Variants in INHBC observed in about 807,000 individuals in gnomAD.
INHBC encodes inhibin beta C chain.
INHBC carries 10 observed loss-of-function variants against 12.4 expected under a neutral mutation model. The observed-to-expected ratio is 0.81, with a 90% CI of 0.50 to 1.37. The LOEUF (loss-of-function observed/expected upper bound fraction) is 1.37. Ranked by LOEUF, INHBC falls within the 40% of genes most tolerant of loss-of-function variation. INHBC has a pLI of 0.00. For synonymous variants in INHBC, 147 were observed against 171.6 expected, an observed-to-expected ratio of 0.86 and a Z score of 1.12; for missense variants, 382 against 439.4, an observed-to-expected ratio of 0.87 and a Z score of 1.17.
At chr12:57,436,167 C>CTTTTT (rs35783961) in intron 1 of INHBC, among the ~76,000 whole-genome samples, 2 of 118,392 alleles carry the variant, frequency 1.7e-5, no homozygotes, top group Non-Finnish European at 3.5e-5. Context: ...TTTTAAAAAA[C>CTTTTT]TTTTTTTTTT....
chr12:57,435,389 C>G (rs1407525504), intron 1 of INHBC, among the ~76,000 whole-genome samples, 190 bp downstream of exon 1: 1 of 152,220 alleles, frequency 6.6e-6, no homozygotes, highest in Non-Finnish European at 1.5e-5. Flanking sequence ...GTAGCTCAGA[C>G]CTGACCAATA....
At chr12:57,447,862 CAAAAAAAAAAAA>C (rs869208182) in intron 1 of INHBC, among the ~76,000 whole-genome samples, 2 of 5,242 alleles carry the variant, frequency 3.8e-4, no homozygotes, top group South Asian at 0.018. Flanking sequence ...AACTCCGTCT[CAAAAAAAAAAAA>C]AAAAAAAAAA....
At chr12:57,445,718 CCG>C (rs1594729118) in intron 1 of INHBC, among the ~76,000 whole-genome samples, 1 of 145,110 alleles carries the variant, frequency 6.9e-6, no homozygotes, top group Non-Finnish European at 1.5e-5. Context: ...GTGAGACCCC[CCG>C]CCCATCTCCA....
chr12:57,441,384 G>A (rs576625556), intron 1 of INHBC, among the ~76,000 whole-genome samples: 105 of 146,582 alleles, frequency 7.2e-4, no homozygotes, highest in African/African-American at 2.0e-3. Context: ...AAAAAGCCAG[G>A]TGTGGTGGTA....
intron 1 of INHBC, among the ~76,000 whole-genome samples, chr12:57,439,833 C>T (rs1365343596): frequency 2.0e-5 from 3 of 152,122 alleles, no homozygotes; most frequent in Non-Finnish European, 4.4e-5. Context: ...ACAAGCAAAG[C>T]GTTTTTTTGG....
Position 57,445,945 on chromosome 12 carries a change from G to A in INHBC, c.314-3332G>A, listed in dbSNP as rs190550198. ...GGTTTTTTTGTTTGTTTGTTTGTTC[G>A]TTTTTTTGAGACAGAGTCTCGCTGT... On this transcript the variant is annotated intron_variant, in intron 1 of 1. Coordinates refer to ENST00000309668, the MANE Select transcript of INHBC (RefSeq NM_005538.4). Among the ~76,000 whole-genome samples, 20 of 150,702 alleles carry A rather than the reference G, an allele frequency of 1.3e-4. 1 individual carries two copies. The highest frequency in any genetic ancestry group is 4.2e-4 in the South Asian group (2 of 4,738).
chr12:57,436,960 C>T (rs959254579), intron 1 of INHBC, among the ~76,000 whole-genome samples: 9 of 152,100 alleles, frequency 5.9e-5, no homozygotes, highest in Non-Finnish European at 4.4e-5. Flanking sequence ...AGCCACCGCG[C>T]CCAGCATATA....
intron 1 of INHBC, 41 bp downstream of exon 1, chr12:57,435,240 C>A: frequency 6.4e-7 from 1 of 1,550,948 alleles, no homozygotes. Flanking sequence ...AACTTGACCC[C>A]TCAAGGAAAG....
chr12:57,447,516 G>A (rs1023503126), intron 1 of INHBC, among the ~76,000 whole-genome samples: 4 of 151,572 alleles, frequency 2.6e-5, no homozygotes, highest in African/African-American at 4.8e-5. Context: ...GATGAGGGTA[G>A]TGGCACCACC....
chr12:57,442,938 C>T (rs886891739), intron 1 of INHBC, among the ~76,000 whole-genome samples: 2 of 150,180 alleles, frequency 1.3e-5, no homozygotes, highest in Admixed American at 1.3e-4. Flanking sequence ...TTGCAGTGAG[C>T]CGAGATTGCG....
chr12:57,447,588 T>A (rs1870605925), intron 1 of INHBC, among the ~76,000 whole-genome samples: 1 of 149,036 alleles, frequency 6.7e-6, no homozygotes, highest in Admixed American at 6.7e-5. Flanking sequence ...AAAAATTGAT[T>A]AAAAAAAATA....
rs772388692 is a variant in INHBC, at chr12:57,450,254, G to A, written c.*232G>A. ...TCTTTCCTAGGGCATAGTCCATCCC[G>A]CTAGTCCATCCCGCTAGCCCCACTC... is the stretch of plus-strand genomic sequence containing the variant. On this transcript the variant is annotated 3_prime_UTR_variant, in exon 2 of 2. Coordinates refer to ENST00000309668, the MANE Select transcript of INHBC (RefSeq NM_005538.4). The A allele has an allele frequency of 2.6e-4, 106 of 415,408 alleles. No homozygotes were observed. Among genetic ancestry groups the A allele is most frequent in the Non-Finnish European group, 3.9e-4 (93 of 237,722 alleles). 25.7% of individuals were successfully genotyped at this position (415,408 alleles called of 1,614,324 possible). A position where few individuals can be genotyped will look rare whatever the true frequency, so the allele number is the denominator to read the frequency against.
At chr12:57,436,214 G>C (rs1196078023) in intron 1 of INHBC, among the ~76,000 whole-genome samples, 1 of 149,728 alleles carries the variant, frequency 6.7e-6, no homozygotes, top group African/African-American at 2.5e-5. Flanking sequence ...ACCCAGGCTG[G>C]AGTGCAATGG....
chr12:57,447,350 G>A (rs1284252), intron 1 of INHBC, among the ~76,000 whole-genome samples: 64,526 of 150,958 alleles, frequency 0.43, 14,657 homozygotes, highest in South Asian at 0.52. Context: ...ACGCCTGGCT[G>A]ATTTTTGTAT....
Position 57,439,223 on chromosome 12 carries a change from A to G in INHBC, c.313+4024A>G, listed in dbSNP as rs578247058. Among the ~76,000 whole-genome samples the G allele has an allele frequency of 4.6e-5, 7 of 152,372 alleles. No individual in the cohort carries two copies. In the East Asian group the frequency reaches 1.3e-3, roughly 29 times the overall value. On this transcript the variant is annotated intron_variant, in intron 1 of 1. Coordinates refer to ENST00000309668, the MANE Select transcript of INHBC (RefSeq NM_005538.4). ...ATGCTGAGACAGGGACAGGATAAAC[A>G]TAATAGATATTCCTGTTCAAAATGG...
chr12:57,447,632 C>A (rs1870608471), intron 1 of INHBC, among the ~76,000 whole-genome samples: 1 of 148,612 alleles, frequency 6.7e-6, no homozygotes, highest in Non-Finnish European at 1.5e-5. Context: ...CGCCTGTAAT[C>A]CCAGCGCTTT....
chr12:57,439,147 G>C (rs1420730193), intron 1 of INHBC, among the ~76,000 whole-genome samples: 1 of 152,118 alleles, frequency 6.6e-6, no homozygotes, highest in African/African-American at 2.4e-5. Flanking sequence ...GCATACCACT[G>C]TCTGCGTCCT....
Position 57,442,244 on chromosome 12 carries a change from A to G in INHBC, c.314-7033A>G, listed in dbSNP as rs116659459. On this transcript the variant is annotated intron_variant, in intron 1 of 1. Transcript: ENST00000309668. Reference sequence around the variant, plus strand: ...GTACTCAATAAACACCATGCTTGCTAATGTCTCACTGCCCAAATCAAGTCA... The same window carrying G: ...GTACTCAATAAACACCATGCTTGCTGATGTCTCACTGCCCAAATCAAGTCA... Among the ~76,000 whole-genome samples the G allele has an allele frequency of 2.1e-3, 325 of 152,322 alleles. 1 individual carries two copies. The highest frequency in any genetic ancestry group is 7.5e-3 in the African/African-American group (311 of 41,558).
chr12:57,445,121 G>A (rs2139833808), intron 1 of INHBC, among the ~76,000 whole-genome samples: 1 of 152,356 alleles, frequency 6.6e-6, no homozygotes, highest in East Asian at 1.9e-4. Context: ...AAGTGTAAAG[G>A]CTATGAGATA....
Sources: gnomAD v4.1 joint callset for allele counts (sites outside exome capture counted in the v4.1 genomes callset) on GRCh38, gnomAD v4.1.1 for gene constraint, MANE v1.5 for transcripts, NCBI Gene and HGNC (gene_info 2026-07-23, HGNC 2026-07-21) for gene names.